CPNE7: variants seen among roughly 807,000 people sequenced by gnomAD.
CPNE7 encodes the protein copine 7.
Under a neutral mutation model 66.5 loss-of-function variants are expected in CPNE7, and 78 were observed. The ratio of observed to expected loss-of-function variants is 1.17; its 90% CI spans 0.98 to 1.42. The LOEUF (loss-of-function observed/expected upper bound fraction) is 1.42, where lower values mean the gene tolerates loss of function less well. Ranked by LOEUF, CPNE7 falls within the 40% of genes most tolerant of loss-of-function variation. The probability of loss-of-function intolerance (pLI) is 0.00; values close to 1 mark genes in which losing one functional copy is unlikely to be tolerated. For missense variants in CPNE7, 1,012 were observed against 776.6 expected, an observed-to-expected ratio of 1.30 and a Z score of -3.60; for synonymous variants, 468 against 336.7, an observed-to-expected ratio of 1.39 and a Z score of -4.27.
chr16:89,590,788 CG>C (rs1260501669), intron 11 of CPNE7, among the ~76,000 whole-genome samples: 10 of 33,140 alleles, frequency 3.0e-4, no homozygotes, highest in African/African-American at 5.0e-4. Context: ...GGGCCGGGGA[CG>C]GGGGGAGCAG....
intron 2 of CPNE7, among the ~76,000 whole-genome samples, chr16:89,578,133 C>T (rs1228900717): frequency 6.8e-6 from 1 of 147,592 alleles, no homozygotes; most frequent in African/African-American, 2.5e-5. Context: ...GGCGTGATCT[C>T]GGCTCACTGC....
chr16:89,580,045 C>T lies in CPNE7; in HGVS notation c.357+2324C>T, dbSNP rs188483489. 8.0e-5 allele frequency among the ~76,000 whole-genome samples: 5 copies of T among 62,560 alleles called. No individual in the cohort carries two copies. In the East Asian group the frequency reaches 1.5e-3, roughly 19 times the overall value. 41.0% of individuals were successfully genotyped at this position (62,560 alleles called of 152,430 possible). ...CATCCTGTCACCCGCTGACACGGAA[C>T]ATCTCACCCGTCACACGGAACATCC... On this transcript the variant is annotated intron_variant, in intron 2 of 14. Coordinates refer to ENST00000319518, the MANE Select transcript of CPNE7 (RefSeq NM_153636.3).
rs534889796 is a variant in CPNE7 at position 89,584,097 on chromosome 16, G to A, written c.502G>A (p.Asp168Asn). ...ELSFRARKLD[D>N]KDLFSKSDPF... ...CTCCTTCCGGGCCAGGAAGCTGGAC[G>A]ACAAGGTGAGTGCAGGTGCCGGGCA... Residue 168 changes from aspartate to asparagine, a missense_variant, in exon 4 of 15, where the codon GAC (aspartate) becomes AAC (asparagine). Asp to Asn is a conservative substitution (Grantham distance 23). Transcript: ENST00000319518. The surrounding 1 kb of genome is among the most constrained non-coding windows in gnomAD (Gnocchi z 6.0). 12 of 1,611,114 alleles carry A rather than the reference G, an allele frequency of 7.4e-6. No individual in the cohort carries two copies. In the Admixed American group the frequency reaches 8.4e-5, roughly 11 times the overall value.
chr16:89,589,304 C>T (rs1012990464), intron 10 of CPNE7, among the ~76,000 whole-genome samples: 7 of 151,686 alleles, frequency 4.6e-5, no homozygotes, highest in Admixed American at 3.3e-4. Context: ...AAAAAAGAGA[C>T]TCTGCGAGGA....
At chr16:89,578,785 T>G (rs1025703586) in intron 2 of CPNE7, 4 of 1,386,054 alleles carry the variant, frequency 2.9e-6, no homozygotes, top group African/African-American at 1.5e-5. Context: ...AAAAGAAGCC[T>G]CCTTGTGAGC....
Position 89,585,605 on chromosome 16 carries a change from G to A in CPNE7, c.681+52G>A, listed in dbSNP as rs758485349. The stretch of plus-strand genomic sequence containing the variant: ...CAGTGAGGGGGTGGCCTGGATGTGG[G>A]CTGCGATGGAGACACCTGGGCTCGG... On this transcript the variant is annotated intron_variant, in intron 6 of 14. Transcript: ENST00000319518. The A allele has an allele frequency of 1.9e-6, 3 of 1,570,372 alleles. No homozygotes were observed. The South Asian group carries it at 3.4e-5, about 18-fold the overall frequency.
At chr16:89,586,552 C>G in intron 7 of CPNE7, 118 bp from the exon 8 acceptor site, 1 of 775,334 alleles carries the variant, frequency 1.3e-6, no homozygotes. Flanking sequence ...GTGCCCTCCC[C>G]TCCCCTCCCC....
At chr16:89,583,937 G>C (rs1361394454) in intron 3 of CPNE7, 91 bp from the exon 4 acceptor site, 2 of 1,524,186 alleles carry the variant, frequency 1.3e-6, no homozygotes, top group East Asian at 4.6e-5. Flanking sequence ...GGCCCCGCTG[G>C]GTGGGGTCAG....
chr16:89,588,117 G>GC (rs745783577), intron 9 of CPNE7, among the ~76,000 whole-genome samples: 5 of 10,124 alleles, frequency 4.9e-4, no homozygotes, highest in Admixed American at 1.5e-3. Context: ...CAGATACACG[G>GC]CCCCCGTGTC....
At chr16:89,581,001 T>TGTCACACGGAACATCCCGTCACCC (rs1567953511) in intron 2 of CPNE7, among the ~76,000 whole-genome samples, 23 of 110,944 alleles carry the variant, frequency 2.1e-4, no homozygotes, top group South Asian at 6.3e-4. Context: ...TCCCATCACC[T>TGTCACACGGAACATCCCGTCACCC]GTCACACGGA....
chr16:89,576,078 C>T lies in CPNE7; in HGVS notation c.174+7C>T. Reference sequence around the variant, plus strand: ...GCAGGGCCAGTGGGTGCAGGTAGGGCCGGGGCGTGGGAGGCCGAGAGGCCA... The same window carrying T: ...GCAGGGCCAGTGGGTGCAGGTAGGGTCGGGGCGTGGGAGGCCGAGAGGCCA... On this transcript the variant is annotated splice_region_variant and intron_variant, in intron 1 of 14. Transcript: ENST00000319518. 4.0e-6 allele frequency: 5 copies of T among 1,260,334 alleles called. No individual in the cohort carries two copies. Among genetic ancestry groups the T allele is most frequent in the Non-Finnish European group, 4.0e-6 (4 of 1,002,428 alleles). 78.1% of individuals were successfully genotyped at this position (1,260,334 alleles called of 1,614,324 possible).
At chr16:89,580,452 C>T (rs2058935965) in intron 2 of CPNE7, among the ~76,000 whole-genome samples, 1 of 140,342 alleles carries the variant, frequency 7.1e-6, no homozygotes, top group Non-Finnish European at 1.6e-5. Flanking sequence ...TCACCCATCA[C>T]ACGGAACATC....
At chr16:89,578,803 C>G in intron 2 of CPNE7, 1 of 1,538,884 alleles carries the variant, frequency 6.5e-7, no homozygotes, top group Non-Finnish European at 8.7e-7. Context: ...AGCAGCAGGT[C>G]CTACGGTGGC....
At chr16:89,586,897 G>A (rs980802825) in intron 8 of CPNE7, 141 bp downstream of exon 8, 59 of 1,088,994 alleles carry the variant, frequency 5.4e-5, no homozygotes, top group South Asian at 8.0e-5. Flanking sequence ...GGGGAAGGGC[G>A]AGGTTGGGGA....
At chr16:89,583,864 C>G in intron 3 of CPNE7, 93 bp downstream of exon 3, 1 of 1,493,294 alleles carries the variant, frequency 6.7e-7, no homozygotes, top group African/African-American at 1.4e-5. Flanking sequence ...GCGTGCCGTC[C>G]AGGGAGGGTC....
rs774882073 is a variant in CPNE7 at position 89,595,571 on chromosome 16, G to A, written c.1507G>A (p.Val503Ile). The A allele has an allele frequency of 1.6e-5, 25 of 1,610,616 alleles. No homozygotes were observed. Among genetic ancestry groups the A allele is most frequent in the Admixed American group, 3.3e-5 (2 of 59,944 alleles). Residue 503 changes from valine to isoleucine, a missense_variant, in exon 14 of 15, where the codon GTA becomes ATA. Coordinates refer to ENST00000319518, the MANE Select transcript of CPNE7 (RefSeq NM_153636.3). The part of the protein sequence containing the change: ...PRGEPALRDI[V>I]QFVPFRELKN... ...GGGTGAGCCCGCGCTCCGGGACATC[G>A]TACAGTTCGTGCCCTTCCGGGAGCT...
At chr16:89,583,642 A>G in intron 2 of CPNE7, 55 bp from the exon 3 acceptor site, 4 of 1,609,854 alleles carry the variant, frequency 2.5e-6, no homozygotes, top group Non-Finnish European at 3.4e-6. Flanking sequence ...TGGGGTCTCC[A>G]GGGTCAGGAG....
chr16:89,587,417 T>C (rs2059071864), intron 9 of CPNE7: 1 of 335,260 alleles, frequency 3.0e-6, no homozygotes, highest in Non-Finnish European at 6.0e-6. Flanking sequence ...CGTGAGCCGA[T>C]GTCTCCATGC....
At chr16:89,587,002 T>C in intron 8 of CPNE7, 41 bp from the exon 9 acceptor site, 1 of 1,555,754 alleles carries the variant, frequency 6.4e-7, no homozygotes, top group South Asian at 1.2e-5. Flanking sequence ...CTGGCCTCAG[T>C]GTCCCTGGCG....
Sources: allele counts gnomAD v4.1 joint callset (sites outside exome capture counted in the v4.1 genomes callset), GRCh38; gene constraint gnomAD v4.1.1; non-coding constraint Gnocchi (gnomAD v3.1); transcripts MANE v1.5; gene names NCBI Gene and HGNC (gene_info 2026-07-23, HGNC 2026-07-21).